LMBR1: variants seen among roughly 807,000 people sequenced by gnomAD.
The protein encoded by LMBR1 is limb development membrane protein 1, also known as limb region 1 protein homolog.
In LMBR1, 52 loss-of-function variants were observed where a neutral mutation model predicts 73.9. The observed-to-expected ratio is 0.70, with a 90% CI of 0.56 to 0.89. LMBR1 has a LOEUF of 0.89. LMBR1 is among the 40% of genes least tolerant of loss of function. The probability of loss-of-function intolerance (pLI) is 0.00; values close to 1 mark genes in which losing one functional copy is unlikely to be tolerated. For missense variants in LMBR1, 539 were observed against 579.8 expected (o/e 0.93, Z 0.72); for synonymous variants, 215 against 209.4 (o/e 1.03, Z -0.23).
At position 156,685,102 on chromosome 7, in the gene LMBR1, A is replaced by G. The variant is rs1563129474; in HGVS notation, c.1388-939T>C. On this transcript the variant is annotated intron_variant, in intron 16 of 16. Coordinates refer to ENST00000353442, the MANE Select transcript of LMBR1 (RefSeq NM_022458.4). This position sits in a 1 kb window ranked among gnomAD's most constrained non-coding sequence, Gnocchi z 4.1. ...AAATAAAGAAATGACAAAAGAATAAACTGAACATAAATAATATCTCACTAC... is the reference window on the plus strand; with the variant it reads ...AAATAAAGAAATGACAAAAGAATAAGCTGAACATAAATAATATCTCACTAC... Among the ~76,000 whole-genome samples, 3 of 152,214 alleles carry G rather than the reference A, an allele frequency of 2.0e-5. No homozygotes were observed. In the South Asian group the frequency reaches 6.2e-4, roughly 31 times the overall value.
intron 5 of LMBR1, among the ~76,000 whole-genome samples, chr7:156,780,328 C>T (rs1168763601): frequency 6.6e-6 from 1 of 152,162 alleles, no homozygotes; most frequent in Non-Finnish European, 1.5e-5. Context: ...ATTGCCAGTT[C>T]ATTGAATTAA....
chr7:156,831,831 T>G (rs1208291176), intron 3 of LMBR1, among the ~76,000 whole-genome samples: 2 of 152,222 alleles, frequency 1.3e-5, no homozygotes, highest in Non-Finnish European at 2.9e-5. Context: ...ACGAGTACAC[T>G]GAAGTCGATT....
chr7:156,690,049 A>G (rs1806841861), intron 15 of LMBR1, among the ~76,000 whole-genome samples: 2 of 152,156 alleles, frequency 1.3e-5, no homozygotes. Context: ...CAGACACCCA[A>G]ATTTTACACA....
At chr7:156,860,156 A>G (rs575963827) in intron 1 of LMBR1, among the ~76,000 whole-genome samples, 1 of 152,214 alleles carries the variant, frequency 6.6e-6, no homozygotes, top group Non-Finnish European at 1.5e-5. Context: ...CTGTTTTCAC[A>G]CTGCCGATAA....
intron 7 of LMBR1, 114 bp downstream of exon 7, chr7:156,762,994 C>T (rs534128441): frequency 1.1e-4 from 68 of 594,644 alleles, no homozygotes; most frequent in Middle Eastern, 3.1e-4. Flanking sequence ...ATAGTTAAGG[C>T]GAACTCAAAA....
At chr7:156,762,283 G>A in intron 7 of LMBR1, 85 bp from the exon 8 acceptor site, 1 of 793,000 alleles carries the variant, frequency 1.3e-6, no homozygotes, top group Non-Finnish European at 2.2e-6. Flanking sequence ...TAAAAATAAG[G>A]GAAATTCAAG....
At chr7:156,778,708 TA>T (rs1365106955) in intron 5 of LMBR1, among the ~76,000 whole-genome samples, 1 of 152,210 alleles carries the variant, frequency 6.6e-6, no homozygotes, top group African/African-American at 2.4e-5. Flanking sequence ...CTTGAGATCA[TA>T]AAAATATTAC....
chr7:156,675,673 A>ACCC, downstream of LMBR1: 1 of 1,395,368 alleles, frequency 7.2e-7, no homozygotes, highest in Non-Finnish European at 1.0e-6. Context: ...GTGTGAGCTT[A>ACCC]CCCGCCCCCG....
intron 15 of LMBR1, among the ~76,000 whole-genome samples, chr7:156,723,807 C>T (rs532837575): frequency 3.9e-5 from 6 of 152,160 alleles, no homozygotes; most frequent in South Asian, 2.1e-4. Flanking sequence ...ATGCAGTTTC[C>T]TCACTAGAGG....
At position 156,728,716 on chromosome 7, in the gene LMBR1, CCT is replaced by C; in HGVS notation, c.841_842del (p.Arg281AlafsTer23). 6.3e-7 allele frequency: 1 copy of C among 1,596,212 alleles called. No homozygotes were observed. The highest frequency in any genetic ancestry group is 8.5e-7 in the Non-Finnish European group (1 of 1,173,894). ...TTTCCCATGCTGAAGCCTTTTTTCG[CCT>C]CTCTATTAAAAGGAAAAACAAAATA... ...NVKTLKTKLERRKKASAWERN... is the reference protein window; with the variant it reads ...NVKTLKTKLEXRKKASAWERN... On this transcript the variant is annotated frameshift_variant and splice_region_variant, in exon 11 of 17. Transcript: ENST00000353442. LOFTEE classifies it high-confidence loss of function.
intron 2 of LMBR1, among the ~76,000 whole-genome samples, chr7:156,835,937 A>G (rs1277158229): frequency 2.0e-5 from 3 of 152,166 alleles, no homozygotes; most frequent in African/African-American, 7.2e-5. Flanking sequence ...TTCTGTGTCT[A>G]CAGTTCATGA....
At chr7:156,820,375 A>C (rs1026788553) in intron 4 of LMBR1, among the ~76,000 whole-genome samples, 1 of 152,176 alleles carries the variant, frequency 6.6e-6, no homozygotes, top group African/African-American at 2.4e-5. Flanking sequence ...CTGTATTATA[A>C]TTTAGTTCAC....
At chr7:156,891,206 AAAAAAATAT>A (rs1324314733) in intron 1 of LMBR1, among the ~76,000 whole-genome samples, 7 of 93,766 alleles carry the variant, frequency 7.5e-5, no homozygotes, top group African/African-American at 3.3e-4. Context: ...AAAAAAAAAA[AAAAAAATAT>A]ATATATATAT....
intron 1 of LMBR1, among the ~76,000 whole-genome samples, chr7:156,840,263 T>C (rs1838417984): frequency 6.6e-6 from 1 of 151,848 alleles, no homozygotes. Flanking sequence ...TAAATAAATA[T>C]AAAGTGTGTC....
intron 15 of LMBR1, among the ~76,000 whole-genome samples, chr7:156,700,247 A>G (rs1338578294): frequency 2.0e-5 from 3 of 152,234 alleles, no homozygotes; most frequent in African/African-American, 7.2e-5. Flanking sequence ...TTGTAGGGAC[A>G]TGGATGAAAC....
chr7:156,770,073 T>C (rs1197996883), intron 5 of LMBR1, among the ~76,000 whole-genome samples: 1 of 152,124 alleles, frequency 6.6e-6, no homozygotes. Flanking sequence ...TGAAAAATAA[T>C]AACAAGGTTG....
At chr7:156,697,496 G>A (rs536145274) in intron 15 of LMBR1, among the ~76,000 whole-genome samples, 16 of 152,180 alleles carry the variant, frequency 1.1e-4, no homozygotes, top group African/African-American at 1.9e-4. Flanking sequence ...TATCTCAACC[G>A]CATAAGACAG....
chr7:156,860,442 T>C (rs187604252), intron 1 of LMBR1, among the ~76,000 whole-genome samples: 11 of 152,262 alleles, frequency 7.2e-5, no homozygotes, highest in African/African-American at 2.2e-4. Context: ...GACGTGAGAA[T>C]TGTGGGAGCT....
At chr7:156,735,196 C>CA (rs1817624036) in intron 9 of LMBR1, among the ~76,000 whole-genome samples, 1 of 152,160 alleles carries the variant, frequency 6.6e-6, no homozygotes. Flanking sequence ...TTACTTCCCC[C>CA]AAATATTGTA....
Sources: gnomAD v4.1 joint callset for allele counts (sites outside exome capture counted in the v4.1 genomes callset) on GRCh38, gnomAD v4.1.1 for gene constraint, Gnocchi (gnomAD v3.1) non-coding constraint, MANE v1.5 for transcripts, NCBI Gene and HGNC (gene_info 2026-07-23, HGNC 2026-07-21) for gene names.